The following TENM3 variants were observed in gnomAD, a reference collection of about 807,000 sequenced individuals.
TENM3 encodes teneurin transmembrane protein 3.
TENM3 carries 63 observed loss-of-function variants against 255.1 expected under a neutral mutation model. That is an observed-to-expected ratio of 0.25 (90% CI 0.20 to 0.30). The LOEUF is 0.30. Ranked by LOEUF, TENM3 falls within the 10% of genes least tolerant of loss-of-function variation. TENM3 has a pLI of 1.00. For missense variants in TENM3, 2,929 were observed against 3,461.1 expected (o/e 0.85, Z 3.86); for synonymous variants, 1,306 against 1,322.3 (o/e 0.99, Z 0.27).
intron 18 of TENM3, 61 bp downstream of exon 18, chr4:182,738,605 GC>G: frequency 1.4e-6 from 2 of 1,400,254 alleles, no homozygotes; most frequent in Non-Finnish European, 1.9e-6. Flanking sequence ...AGCTAATGTT[GC>G]CCACTTTCCA....
At chr4:181,812,521 A>G in the TENM3 span, among the ~76,000 whole-genome samples, 1 of 152,246 alleles carries the variant, frequency 6.6e-6, no homozygotes, top group African/African-American at 2.4e-5. Context: ...GTATGTTTTT[A>G]AAAGCATCAG....
rs543194201 is a variant in TENM3, at chr4:182,319,572, TA to T, written c.-75-4371del. Among the ~76,000 whole-genome samples, 893 of 152,308 alleles carry T rather than the reference TA, an allele frequency of 5.9e-3. 8 individuals are homozygous for T. Among genetic ancestry groups the T allele is most frequent in the South Asian group, 0.036 (175 of 4,832 alleles). On this transcript the variant is annotated intron_variant, in intron 1 of 27. Coordinates refer to ENST00000511685, the MANE Select transcript of TENM3 (RefSeq NM_001080477.4). The stretch of plus-strand genomic sequence containing the variant: ...TGGCACTGGAGAATTGCTTCACAAA[TA>T]AAGAAAACTCAGATATTTGATGCTA...
chr4:182,140,195 C>T (rs898158755), upstream of TENM3, among the ~76,000 whole-genome samples: 4 of 152,174 alleles, frequency 2.6e-5, no homozygotes, highest in Admixed American at 6.5e-5. Context: ...AGATTAATTG[C>T]TTGCTACCTG....
In TENM3 at chr4:182,720,766, C is replaced by CTT. The variant is rs11369655; in HGVS notation, c.2368+6550_2368+6551dup. ...CGGGTTGGTACTAAAAGTCTCCCCT[C>CTT]TTTTTTTTTTTTTTTTTTGAGACAG... On this transcript the variant is annotated intron_variant, in intron 13 of 27. Coordinates refer to ENST00000511685, the MANE Select transcript of TENM3 (RefSeq NM_001080477.4). Among the ~76,000 whole-genome samples, 212 of 129,786 alleles carry CTT rather than the reference C, an allele frequency of 1.6e-3. 4 individuals carry two copies. The South Asian group carries it at 0.022, about 13-fold the overall frequency. The allele number at this position is 129,786 out of a possible 152,430, so 85.1% of individuals were successfully genotyped here.
chr4:182,798,937 A>T (rs1766693090), intron 27 of TENM3, among the ~76,000 whole-genome samples: 1 of 152,190 alleles, frequency 6.6e-6, no homozygotes, highest in Non-Finnish European at 1.5e-5. Flanking sequence ...CCCCAATTTA[A>T]AACATTTGCC....
At chr4:182,233,393 G>A (rs945352359) in intron 1 of TENM3, among the ~76,000 whole-genome samples, 9 of 152,192 alleles carry the variant, frequency 5.9e-5, no homozygotes, top group Admixed American at 3.9e-4. Context: ...GAACCTGACC[G>A]ACGTATGCTA....
At chr4:182,217,601 G>A (rs1259581796) in intron 1 of TENM3, among the ~76,000 whole-genome samples, 1 of 152,024 alleles carries the variant, frequency 6.6e-6, no homozygotes, top group East Asian at 1.9e-4. Context: ...CTGTGAGATG[G>A]GTAACATTAT....
chr4:182,465,366 G>T (rs1345173237), intron 3 of TENM3, among the ~76,000 whole-genome samples: 2 of 152,132 alleles, frequency 1.3e-5, no homozygotes, highest in African/African-American at 2.4e-5. Flanking sequence ...GATGAAAAAG[G>T]AGGCTCCTTT....
chr4:182,388,129 T>C (rs1768129347), intron 3 of TENM3, among the ~76,000 whole-genome samples: 1 of 152,130 alleles, frequency 6.6e-6, no homozygotes, highest in Admixed American at 6.5e-5. Context: ...CATCTGGGGT[T>C]GCTCTTTCTT....
intron 3 of TENM3, among the ~76,000 whole-genome samples, chr4:182,561,915 A>G (rs1173074170): frequency 6.6e-6 from 1 of 151,972 alleles, no homozygotes; most frequent in Admixed American, 6.6e-5. Context: ...CTTTTGCACC[A>G]ACCTATATAA....
At chr4:181,570,138 CGGGT>C in the TENM3 span, among the ~76,000 whole-genome samples, 749 of 151,374 alleles carry the variant, frequency 4.9e-3, 6 homozygotes, top group African/African-American at 0.017. Context: ...CTCCGCCTCC[CGGGT>C]TCACGCCATT....
At chr4:182,403,516 G>T (rs1295970204) in intron 3 of TENM3, among the ~76,000 whole-genome samples, 1 of 152,190 alleles carries the variant, frequency 6.6e-6, no homozygotes, top group Non-Finnish European at 1.5e-5. Context: ...CTATCTGATG[G>T]TGAAGAGACG....
At chr4:182,427,187 C>A (rs764975580) in intron 3 of TENM3, among the ~76,000 whole-genome samples, 4 of 151,978 alleles carry the variant, frequency 2.6e-5, no homozygotes, top group Non-Finnish European at 5.9e-5. Flanking sequence ...CTCATTAAAC[C>A]AAATCTGTGT....
chr4:181,723,027 T>G, the TENM3 span, among the ~76,000 whole-genome samples: 377 of 152,178 alleles, frequency 2.5e-3, 4 homozygotes, highest in African/African-American at 8.6e-3. Context: ...CGCTCAGGAC[T>G]TAATTACAGC....
At chr4:182,488,935 C>T (rs1358077757) in intron 3 of TENM3, among the ~76,000 whole-genome samples, 1 of 151,906 alleles carries the variant, frequency 6.6e-6, no homozygotes, top group African/African-American at 2.4e-5. Context: ...CAGTCATTTG[C>T]AGCTGCTGAA....
the TENM3 span, among the ~76,000 whole-genome samples, chr4:181,827,045 G>T: frequency 6.6e-6 from 1 of 152,086 alleles, no homozygotes; most frequent in African/African-American, 2.4e-5. Context: ...ACCAGACAGG[G>T]AGTCCTATAA....
chr4:182,030,213 T>G, the TENM3 span, among the ~76,000 whole-genome samples: 5 of 152,106 alleles, frequency 3.3e-5, no homozygotes, highest in East Asian at 9.7e-4. Flanking sequence ...TTAGCTATTT[T>G]TCCTAATGCT....
At chr4:182,199,118 C>T (rs1043793408) in intron 1 of TENM3, among the ~76,000 whole-genome samples, 8 of 152,074 alleles carry the variant, frequency 5.3e-5, no homozygotes, top group African/African-American at 1.7e-4. Context: ...TAGGAAGTAC[C>T]GGTGTGGGGA....
the TENM3 span, among the ~76,000 whole-genome samples, chr4:182,018,786 AT>A: frequency 6.6e-6 from 1 of 152,230 alleles, no homozygotes; most frequent in Non-Finnish European, 1.5e-5. Context: ...ATAATAGCTA[AT>A]ATTTGCTGAG....
Sources: allele counts gnomAD v4.1 joint callset (sites outside exome capture counted in the v4.1 genomes callset), GRCh38; gene constraint gnomAD v4.1.1; transcripts MANE v1.5; gene names NCBI Gene and HGNC (gene_info 2026-07-23, HGNC 2026-07-21).